Variants in OSBPL9 observed in about 807,000 individuals in gnomAD.
The protein encoded by OSBPL9 is oxysterol-binding protein-related protein 9.
A neutral mutation model predicts 106.6 loss-of-function variants in OSBPL9; 40 were observed. The observed-to-expected ratio is 0.38, with a 90% CI of 0.29 to 0.49. The LOEUF (loss-of-function observed/expected upper bound fraction) is 0.49, where lower values mean the gene tolerates loss of function less well. Ranked by LOEUF, OSBPL9 falls within the 20% of genes least tolerant of loss-of-function variation. The pLI, the probability that OSBPL9 is intolerant of heterozygous loss-of-function variation, is 0.97. For synonymous variants in OSBPL9, 269 were observed against 295.4 expected, an observed-to-expected ratio of 0.91 and a Z score of 0.92; for missense variants, 609 against 887.2, an observed-to-expected ratio of 0.69 and a Z score of 3.98.
intron 3 of OSBPL9, among the ~76,000 whole-genome samples, chr1:51,692,631 C>G (rs533878971): frequency 1.5e-4 from 23 of 150,926 alleles, no homozygotes; most frequent in Non-Finnish European, 2.8e-4. Context: ...TCCTTCCTTC[C>G]TTCCTTGCCC....
In OSBPL9 at chr1:51,755,157, T is replaced by G. The variant is rs567241040; in HGVS notation, c.544-1163T>G. 1.2e-4 allele frequency among the ~76,000 whole-genome samples: 19 copies of G among 152,260 alleles called. No individual in the cohort carries two copies. In the South Asian group the frequency reaches 3.9e-3, roughly 32 times the overall value. ...TCTTTAAGCCACCCAGTCTATGGTA[T>G]TTTGTTATGGCAGCCCAAGCAGATT... On this transcript the variant is annotated intron_variant, in intron 8 of 23. Coordinates refer to ENST00000428468, the MANE Select transcript of OSBPL9 (RefSeq NM_024586.6).
At chr1:51,751,278 G>T (rs1334684822) in intron 8 of OSBPL9, among the ~76,000 whole-genome samples, 2 of 151,846 alleles carry the variant, frequency 1.3e-5, no homozygotes, top group Non-Finnish European at 2.9e-5. Flanking sequence ...GTAGAGATGG[G>T]GGTTTCACCA....
chr1:51,655,374 C>T (rs1330610786), intron 2 of OSBPL9, among the ~76,000 whole-genome samples: 2 of 152,124 alleles, frequency 1.3e-5, no homozygotes, highest in South Asian at 2.1e-4. Context: ...AGAGGCTGCA[C>T]GTATTCTTGG....
chr1:51,563,943 G>A, the OSBPL9 span, among the ~76,000 whole-genome samples: 1 of 150,188 alleles, frequency 6.7e-6, no homozygotes, highest in African/African-American at 2.4e-5. Context: ...AATTAGGCAA[G>A]TGTGGTGGCA....
Position 51,788,117 on chromosome 1 carries a change from G to A in OSBPL9, c.*328G>A, listed in dbSNP as rs1299132434. On this transcript the variant is annotated 3_prime_UTR_variant, in exon 24 of 24. Coordinates refer to ENST00000428468, the MANE Select transcript of OSBPL9 (RefSeq NM_024586.6). Reference sequence around the variant, plus strand: ...CTCTGCGCTCTAGTACTGCTGTTAAGATACACAACTTGTTTCTTAGTTCAT... The same window carrying A: ...CTCTGCGCTCTAGTACTGCTGTTAAAATACACAACTTGTTTCTTAGTTCAT... 2 of 293,034 alleles carry A rather than the reference G, an allele frequency of 6.8e-6. No individual in the cohort carries two copies. The highest frequency in any genetic ancestry group is 1.3e-5 in the Non-Finnish European group (2 of 154,590). 18.2% of individuals were successfully genotyped at this position (293,034 alleles called of 1,614,324 possible). A position where few individuals can be genotyped will look rare whatever the true frequency, so the allele number is the denominator to read the frequency against.
intron 12 of OSBPL9, among the ~76,000 whole-genome samples, chr1:51,767,435 A>G (rs1013438423): frequency 6.6e-6 from 1 of 151,278 alleles, no homozygotes; most frequent in Non-Finnish European, 1.5e-5. Context: ...ATTTACTTTC[A>G]TTTTACTTGT....
intron 7 of OSBPL9, 34 bp downstream of exon 7, chr1:51,748,432 A>T: frequency 6.9e-7 from 1 of 1,450,386 alleles, no homozygotes; most frequent in Non-Finnish European, 9.1e-7. Flanking sequence ...CTGACTTTGC[A>T]TTAGAAAATG....
chr1:51,630,799 G>C (rs1436090121), intron 1 of OSBPL9, among the ~76,000 whole-genome samples: 1 of 151,830 alleles, frequency 6.6e-6, no homozygotes, highest in African/African-American at 2.4e-5. Context: ...TTAACTTTTT[G>C]ACTCCTTCGT....
intron 4 of OSBPL9, among the ~76,000 whole-genome samples, chr1:51,721,140 A>ATT (rs77240407): frequency 5.7e-5 from 8 of 140,572 alleles, no homozygotes; most frequent in East Asian, 2.1e-4. Flanking sequence ...TTTTATGTTA[A>ATT]TTTTTTTTTT....
intron 1 of OSBPL9, among the ~76,000 whole-genome samples, chr1:51,636,083 T>C (rs944105977): frequency 3.6e-5 from 3 of 82,282 alleles, no homozygotes; most frequent in African/African-American, 8.5e-5. Context: ...TGTATGTATA[T>C]GTGTGTGTGT....
At chr1:51,774,131 C>T (rs930934770) in intron 14 of OSBPL9, among the ~76,000 whole-genome samples, 3 of 152,046 alleles carry the variant, frequency 2.0e-5, no homozygotes, top group East Asian at 1.9e-4. Flanking sequence ...CCCCTTGAGA[C>T]GTGGAAGAGA....
chr1:51,590,050 A>AG (rs899486384), intron 1 of OSBPL9, among the ~76,000 whole-genome samples: 1 of 151,460 alleles, frequency 6.6e-6, no homozygotes, highest in Non-Finnish European at 1.5e-5. Flanking sequence ...AAAAAAAAAA[A>AG]AAAGAGAGAG....
chr1:51,525,967 C>T, the OSBPL9 span, among the ~76,000 whole-genome samples: 3 of 152,146 alleles, frequency 2.0e-5, no homozygotes, highest in Admixed American at 1.3e-4. Flanking sequence ...GCCTCCATCT[C>T]CCAGGCTCAG....
At chr1:51,775,380 A>T (rs957787239) in intron 14 of OSBPL9, among the ~76,000 whole-genome samples, 1 of 150,482 alleles carries the variant, frequency 6.6e-6, no homozygotes, top group African/African-American at 2.5e-5. Context: ...TTCTTTTATC[A>T]CAGCCTTACT....
chr1:51,675,637 GT>G (rs1253696232), intron 3 of OSBPL9, among the ~76,000 whole-genome samples: 2 of 152,098 alleles, frequency 1.3e-5, no homozygotes, highest in African/African-American at 4.8e-5. Flanking sequence ...TGATCAGAGA[GT>G]TTAGGATGAA....
chr1:51,652,168 A>C, intron 2 of OSBPL9, 127 bp downstream of exon 2: 3 of 655,790 alleles, frequency 4.6e-6, no homozygotes, highest in Non-Finnish European at 2.5e-6. Context: ...TCTAAGTCTC[A>C]GAGAGAAAAT....
At chr1:51,694,734 A>T (rs774960127) in intron 3 of OSBPL9, among the ~76,000 whole-genome samples, 41 of 152,214 alleles carry the variant, frequency 2.7e-4, no homozygotes, top group Non-Finnish European at 4.8e-4. Flanking sequence ...TTTATGACAT[A>T]AAAAAATTAC....
intron 3 of OSBPL9, among the ~76,000 whole-genome samples, chr1:51,701,727 A>G (rs1157316434): frequency 1.3e-5 from 2 of 151,924 alleles, no homozygotes; most frequent in East Asian, 3.9e-4. Context: ...TACATGTGCC[A>G]TGTTGGTGTA....
intron 1 of OSBPL9, among the ~76,000 whole-genome samples, chr1:51,648,052 G>T (rs1158629946): frequency 6.6e-6 from 1 of 152,184 alleles, no homozygotes; most frequent in Admixed American, 6.5e-5. Flanking sequence ...CCTTGTAGCT[G>T]GAGGCAGAGA....
Sources: gnomAD v4.1 joint callset for allele counts (sites outside exome capture counted in the v4.1 genomes callset) on GRCh38, gnomAD v4.1.1 for gene constraint, MANE v1.5 for transcripts, NCBI Gene and HGNC (gene_info 2026-07-23, HGNC 2026-07-21) for gene names.